Variants in ZBTB26 observed in about 807,000 individuals in gnomAD.
ZBTB26 encodes zinc finger and BTB domain-containing protein 26.
ZBTB26 carries 12 observed loss-of-function variants against 31.6 expected under a neutral mutation model. That is an observed-to-expected ratio of 0.38 (90% CI 0.24 to 0.61). The LOEUF (loss-of-function observed/expected upper bound fraction) is 0.61, where lower values mean the gene tolerates loss of function less well. Ranked by LOEUF, ZBTB26 falls within the 20% of genes least tolerant of loss-of-function variation. The pLI, the probability that ZBTB26 is intolerant of heterozygous loss-of-function variation, is 0.60. For synonymous variants in ZBTB26, 155 were observed against 182.9 expected, an observed-to-expected ratio of 0.85 and a Z score of 1.23; for missense variants, 311 against 521.9, an observed-to-expected ratio of 0.60 and a Z score of 3.94.
intron 1 of ZBTB26, among the ~76,000 whole-genome samples, chr9:122,930,892 A>AT (rs1252932426): frequency 2.0e-5 from 3 of 152,234 alleles, no homozygotes; most frequent in Admixed American, 2.0e-4. Context: ...ATACATATAT[A>AT]TACACATAGG....
rs1833048411 is a variant in ZBTB26 at position 122,918,546 on chromosome 9, T to G, written c.*63A>C. On this transcript the variant is annotated 3_prime_UTR_variant, in exon 2 of 2. Transcript: ENST00000373656. Reference sequence around the variant, plus strand: ...GAAGTCAAACTAGCAAAATCACTCCTAAAAAGACTAAGACTATTGCCACAT... The same window carrying G: ...GAAGTCAAACTAGCAAAATCACTCCGAAAAAGACTAAGACTATTGCCACAT... 6.5e-7 allele frequency: 1 copy of G among 1,548,160 alleles called. No homozygotes were observed. Among genetic ancestry groups the G allele is most frequent in the Admixed American group, 1.9e-5 (1 of 51,530 alleles).
At position 122,917,916 on chromosome 9, in the gene ZBTB26, C is replaced by T. The variant is rs1833036535; in HGVS notation, c.*693G>A. ...TGCTGTTGTATAAGTGTACTTCTAT[C>T]CCTGTTGATTATGCTCCTCATGGTC... is the stretch of plus-strand genomic sequence containing the variant. On this transcript the variant is annotated 3_prime_UTR_variant, in exon 2 of 2. Coordinates refer to ENST00000373656, the MANE Select transcript of ZBTB26 (RefSeq NM_020924.4). 6.6e-6 allele frequency: 1 copy of T among 152,254 alleles called. No homozygotes were observed. The highest frequency in any genetic ancestry group is 6.5e-5 in the Admixed American group (1 of 15,280). 9.4% of individuals were successfully genotyped at this position (152,254 alleles called of 1,614,324 possible). A position where few individuals can be genotyped will look rare whatever the true frequency, so the allele number is the denominator to read the frequency against.
chr9:122,925,184 C>T (rs1335788565), intron 1 of ZBTB26, among the ~76,000 whole-genome samples: 3 of 151,984 alleles, frequency 2.0e-5, no homozygotes, highest in Admixed American at 6.6e-5. Context: ...ATCAGCCTGG[C>T]CAACACGGTG....
chr9:122,923,813 TGTGTCATATGACA>T (rs1470582032), intron 1 of ZBTB26, among the ~76,000 whole-genome samples: 1 of 152,208 alleles, frequency 6.6e-6, no homozygotes, highest in African/African-American at 2.4e-5. Flanking sequence ...CATTTAGTCA[TGTGTCATATGACA>T]GTGTTTTGTT....
At chr9:122,931,115 G>A (rs1352338402) in intron 1 of ZBTB26, 1 of 152,270 alleles carries the variant, frequency 6.6e-6, no homozygotes, top group African/African-American at 2.4e-5. Context: ...TGGCTCCCGA[G>A]GCTCGTTTTC....
intron 1 of ZBTB26, among the ~76,000 whole-genome samples, chr9:122,925,754 A>G (rs893841978): frequency 7.1e-6 from 1 of 140,264 alleles, no homozygotes; most frequent in African/African-American, 2.7e-5. Flanking sequence ...GCCTGCCACC[A>G]TGCCCAGCTA....
At chr9:122,924,913 C>A (rs1388599140) in intron 1 of ZBTB26, among the ~76,000 whole-genome samples, 4 of 152,022 alleles carry the variant, frequency 2.6e-5, no homozygotes, top group African/African-American at 9.7e-5. Flanking sequence ...CACAAGGCCT[C>A]CCAAAGTGCT....
intron 1 of ZBTB26, among the ~76,000 whole-genome samples, chr9:122,928,565 G>C (rs1833219346): frequency 6.6e-6 from 1 of 152,018 alleles, no homozygotes. Context: ...TGTTCTTTGA[G>C]GCTTCACTAA....
chr9:122,919,578 G>A lies in ZBTB26; in HGVS notation c.357C>T (p.Cys119=), dbSNP rs775582752. 3 of 1,614,174 alleles carry A rather than the reference G, an allele frequency of 1.9e-6. No individual in the cohort carries two copies. The highest frequency in any genetic ancestry group is 1.1e-5 in the South Asian group (1 of 91,088). Reference sequence around the variant, plus strand: ...TTATAAACTTCCACAGGGCCTGTGTGCACCGTTCTACAATGTGGCTCATCT... The same window carrying A: ...TTATAAACTTCCACAGGGCCTGTGTACACCGTTCTACAATGTGGCTCATCT... ...FLQMSHIVER[C]TQALWKFIKP... is the part of the protein sequence containing the mutation. Residue 119 remains cysteine (C), a synonymous_variant, in exon 2 of 2, where the codon TGC becomes TGT. Transcript: ENST00000373656. This position sits in a 1 kb window ranked among gnomAD's most constrained non-coding sequence, Gnocchi z 6.1.
intron 1 of ZBTB26, among the ~76,000 whole-genome samples, chr9:122,930,030 C>T (rs1224467330): frequency 5.3e-5 from 8 of 152,120 alleles, no homozygotes; most frequent in Non-Finnish European, 1.2e-4. Context: ...CCCAAATTTC[C>T]TTATTTTTCA....
chr9:122,923,827 G>A (rs1833137619), intron 1 of ZBTB26, among the ~76,000 whole-genome samples: 1 of 152,202 alleles, frequency 6.6e-6, no homozygotes, highest in Admixed American at 6.5e-5. Flanking sequence ...TCATATGACA[G>A]TGTTTTGTTC....
chr9:122,924,956 TA>T (rs75580356), intron 1 of ZBTB26, among the ~76,000 whole-genome samples: 10 of 152,186 alleles, frequency 6.6e-5, no homozygotes, highest in East Asian at 1.9e-4. Context: ...TTTAAACACT[TA>T]AAAAAAATTT....
intron 1 of ZBTB26, among the ~76,000 whole-genome samples, chr9:122,926,400 G>C (rs987252668): frequency 6.6e-6 from 1 of 151,660 alleles, no homozygotes; most frequent in Non-Finnish European, 1.5e-5. Context: ...CTAGCTACTC[G>C]GGAGGCTGAG....
At chr9:122,924,195 T>C (rs1437652569) in intron 1 of ZBTB26, among the ~76,000 whole-genome samples, 3 of 152,226 alleles carry the variant, frequency 2.0e-5, no homozygotes, top group African/African-American at 7.2e-5. Flanking sequence ...GCCAACCAGA[T>C]AGTTCAGGGA....
chr9:122,925,837 C>T (rs989927014), intron 1 of ZBTB26, among the ~76,000 whole-genome samples: 2 of 149,578 alleles, frequency 1.3e-5, no homozygotes, highest in South Asian at 2.1e-4. Flanking sequence ...ATGGGCTTGC[C>T]GCAACCTCCA....
In ZBTB26 at chr9:122,917,102, C is replaced by T. The variant is rs1392623011; in HGVS notation, c.*1507G>A. On this transcript the variant is annotated 3_prime_UTR_variant, in exon 2 of 2. Coordinates refer to ENST00000373656, the MANE Select transcript of ZBTB26 (RefSeq NM_020924.4). ...ACTAAAAAATAATTAATATAAATCC[C>T]TCTGCGATATTTTGTTGGCAAAATT... The T allele has an allele frequency of 2.0e-5, 3 of 152,146 alleles. No homozygotes were observed. Among genetic ancestry groups the T allele is most frequent in the Non-Finnish European group, 4.4e-5 (3 of 68,032 alleles). 9.4% of individuals were successfully genotyped at this position (152,146 alleles called of 1,614,324 possible). A position where few individuals can be genotyped will look rare whatever the true frequency, so the allele number is the denominator to read the frequency against.
At chr9:122,922,181 C>T (rs1207976339) in intron 1 of ZBTB26, among the ~76,000 whole-genome samples, 3 of 150,728 alleles carry the variant, frequency 2.0e-5, no homozygotes, top group Admixed American at 6.6e-5. Flanking sequence ...AAGGTTTCAG[C>T]GAGCCGAGAT....
chr9:122,931,345 G>C (rs957149060), intron 1 of ZBTB26, 92 bp downstream of exon 1: 1 of 152,590 alleles, frequency 6.6e-6, no homozygotes, highest in Non-Finnish European at 1.5e-5. Context: ...TCCCATCCCA[G>C]TGCAGGTCCC....
chr9:122,924,893 G>A (rs955932637), intron 1 of ZBTB26, among the ~76,000 whole-genome samples: 3 of 152,104 alleles, frequency 2.0e-5, no homozygotes, highest in Non-Finnish European at 4.4e-5. Context: ...CTGGGTTCAA[G>A]CAGTCTTCCC....
Sources: gnomAD v4.1 joint callset for allele counts (sites outside exome capture counted in the v4.1 genomes callset) on GRCh38, gnomAD v4.1.1 for gene constraint, Gnocchi (gnomAD v3.1) non-coding constraint, MANE v1.5 for transcripts, NCBI Gene and HGNC (gene_info 2026-07-23, HGNC 2026-07-21) for gene names.